SLC35F4: variants seen among roughly 807,000 people sequenced by gnomAD.
The protein encoded by SLC35F4 is chromosome 14 open reading frame 36.
Under a neutral mutation model 44.2 loss-of-function variants are expected in SLC35F4, and 24 were observed. The observed-to-expected ratio is 0.54, with a 90% CI of 0.39 to 0.76. The LOEUF (loss-of-function observed/expected upper bound fraction) is 0.76. Ranked by LOEUF, SLC35F4 falls within the 30% of genes least tolerant of loss-of-function variation. The probability of loss-of-function intolerance (pLI) is 0.00; values close to 1 mark genes in which losing one functional copy is unlikely to be tolerated. For synonymous variants in SLC35F4, 238 were observed against 223.6 expected, an observed-to-expected ratio of 1.06 and a Z score of -0.57; for missense variants, 562 against 586.1, an observed-to-expected ratio of 0.96 and a Z score of 0.42.
At chr14:57,684,210 C>T (rs949564841) in intron 1 of SLC35F4, among the ~76,000 whole-genome samples, 9 of 152,234 alleles carry the variant, frequency 5.9e-5, no homozygotes, top group African/African-American at 1.9e-4. Flanking sequence ...CCACCTTCTT[C>T]CCAACATCCC....
intron 4 of SLC35F4, 95 bp from the exon 5 acceptor site, chr14:57,572,114 C>T: frequency 1.4e-6 from 2 of 1,421,884 alleles, no homozygotes; most frequent in South Asian, 2.5e-5. Context: ...TAAGTACTTC[C>T]TTAAACCTAA....
chr14:57,867,979 T>G (rs1022252816), upstream of SLC35F4, among the ~76,000 whole-genome samples: 3 of 152,182 alleles, frequency 2.0e-5, no homozygotes. Flanking sequence ...CCATAATTAA[T>G]GTACTTAAAT....
intron 1 of SLC35F4, among the ~76,000 whole-genome samples, chr14:57,634,765 G>A (rs187414346): frequency 2.1e-3 from 313 of 152,214 alleles, no homozygotes; most frequent in Admixed American, 4.6e-3. Context: ...TGTGGTAACT[G>A]TGTGGAGAAC....
rs561279324 is a variant in SLC35F4, at chr14:57,638,520, A to G, written c.104-44396T>C. On this transcript the variant is annotated intron_variant, in intron 1 of 7. Coordinates refer to ENST00000556826, the MANE Select transcript of SLC35F4 (RefSeq NM_001306087.2). ...CCACTGAGCATAAATCTCCTCTGCA[A>G]CCCTTACTCCTTGGAAATGCCTGCT... Among the ~76,000 whole-genome samples the G allele has an allele frequency of 2.0e-5, 3 of 152,156 alleles. No individual in the cohort carries two copies. In the East Asian group the frequency reaches 5.8e-4, roughly 29 times the overall value.
At chr14:57,847,312 A>AC (rs1555395999) in intron 1 of SLC35F4, among the ~76,000 whole-genome samples, 1 of 151,768 alleles carries the variant, frequency 6.6e-6, no homozygotes, top group Non-Finnish European at 1.5e-5. Flanking sequence ...GTGCCTTGGG[A>AC]TTTTTTTTCA....
At chr14:57,576,958 C>T (rs909647901) in intron 4 of SLC35F4, among the ~76,000 whole-genome samples, 1 of 152,146 alleles carries the variant, frequency 6.6e-6, no homozygotes, top group African/African-American at 2.4e-5. Flanking sequence ...CAGCTGTCTC[C>T]TCTCTTGGCT....
chr14:57,818,818 T>A (rs552838822), intron 1 of SLC35F4, among the ~76,000 whole-genome samples: 1 of 152,330 alleles, frequency 6.6e-6, no homozygotes, highest in South Asian at 2.1e-4. Flanking sequence ...GTACAACATG[T>A]GGACTGTAGC....
chr14:57,711,243 G>A (rs976022478), intron 1 of SLC35F4, among the ~76,000 whole-genome samples: 3 of 152,124 alleles, frequency 2.0e-5, no homozygotes, highest in Non-Finnish European at 4.4e-5. Context: ...GCTACCTTGT[G>A]AAGAAGGCAC....
At chr14:57,821,107 G>C (rs2140910530) in intron 1 of SLC35F4, among the ~76,000 whole-genome samples, 1 of 152,268 alleles carries the variant, frequency 6.6e-6, no homozygotes, top group South Asian at 2.1e-4. Context: ...TCATTGTCGT[G>C]TTTTCCTCCT....
At chr14:57,643,122 C>A (rs528009687) in intron 1 of SLC35F4, among the ~76,000 whole-genome samples, 1 of 151,680 alleles carries the variant, frequency 6.6e-6, no homozygotes, top group Non-Finnish European at 1.5e-5. Flanking sequence ...AAATGACCCA[C>A]AAACAAAAGT....
At chr14:57,723,431 G>A (rs995760587) in intron 1 of SLC35F4, among the ~76,000 whole-genome samples, 9 of 152,202 alleles carry the variant, frequency 5.9e-5, no homozygotes, top group African/African-American at 2.2e-4. Context: ...TGCAGGGGTG[G>A]TGATTTTCAC....
At chr14:57,773,253 T>A (rs182509691) in intron 1 of SLC35F4, among the ~76,000 whole-genome samples, 9 of 152,352 alleles carry the variant, frequency 5.9e-5, no homozygotes, top group Admixed American at 5.9e-4. Context: ...GTCAAAGGCA[T>A]AATTTGCAAA....
chr14:57,926,889 T>C (rs1200850665), intron 1 of SLC35F4, among the ~76,000 whole-genome samples: 1 of 152,134 alleles, frequency 6.6e-6, no homozygotes, highest in Non-Finnish European at 1.5e-5. Context: ...AAGTGGAGCC[T>C]GCGATTCCAA....
chr14:57,870,282 C>T (rs181176995), upstream of SLC35F4, among the ~76,000 whole-genome samples: 1 of 152,084 alleles, frequency 6.6e-6, no homozygotes, highest in Admixed American at 6.6e-5. Context: ...CTTTCTCCTT[C>T]TCCCTACAGC....
chr14:57,644,708 G>A (rs996894117), intron 1 of SLC35F4, among the ~76,000 whole-genome samples: 3 of 152,110 alleles, frequency 2.0e-5, no homozygotes, highest in African/African-American at 7.2e-5. Context: ...GTCTTGAATG[G>A]TATTGCCTAG....
At chr14:57,779,627 C>CA (rs1420668794) in intron 1 of SLC35F4, among the ~76,000 whole-genome samples, 2 of 151,948 alleles carry the variant, frequency 1.3e-5, no homozygotes, top group Non-Finnish European at 2.9e-5. Context: ...AGAGATACAA[C>CA]AAAAAAATGA....
intron 1 of SLC35F4, among the ~76,000 whole-genome samples, chr14:57,636,379 G>A (rs2073018831): frequency 6.6e-6 from 1 of 152,024 alleles, no homozygotes; most frequent in Non-Finnish European, 1.5e-5. Context: ...TACTGCTTGT[G>A]GGGTTTATAA....
intron 1 of SLC35F4, among the ~76,000 whole-genome samples, chr14:57,757,815 G>A (rs1432929315): frequency 6.6e-6 from 1 of 152,034 alleles, no homozygotes; most frequent in Non-Finnish European, 1.5e-5. Flanking sequence ...TAGTCACATA[G>A]TTACCATTTT....
intron 1 of SLC35F4, among the ~76,000 whole-genome samples, chr14:57,754,172 C>T (rs545952808): frequency 2.8e-5 from 4 of 142,080 alleles, no homozygotes; most frequent in Non-Finnish European, 3.0e-5. Context: ...TGCGTGATCT[C>T]GGCTCGCTGC....
Sources: allele counts gnomAD v4.1 joint callset (sites outside exome capture counted in the v4.1 genomes callset), GRCh38; gene constraint gnomAD v4.1.1; transcripts MANE v1.5; gene names NCBI Gene and HGNC (gene_info 2026-07-23, HGNC 2026-07-21).